Variants in PPP1R1C observed in about 807,000 individuals in gnomAD.
The protein encoded by PPP1R1C is protein phosphatase 1 regulatory inhibitor subunit 1C.
Under a neutral mutation model 17.4 loss-of-function variants are expected in PPP1R1C, and 15 were observed. The observed-to-expected ratio is 0.86, with a 90% CI of 0.58 to 1.33. The LOEUF (loss-of-function observed/expected upper bound fraction) is 1.33. Ranked by LOEUF, PPP1R1C falls within the 40% of genes most tolerant of loss-of-function variation. The probability of loss-of-function intolerance (pLI) is 0.00; values close to 1 mark genes in which losing one functional copy is unlikely to be tolerated. For synonymous variants in PPP1R1C, 35 were observed against 43.1 expected (o/e 0.81, Z 0.73); for missense variants, 143 against 130.0 (o/e 1.10, Z -0.48).
chr2:182,044,016 T>C (rs1030249417), intron 2 of PPP1R1C, among the ~76,000 whole-genome samples: 1 of 152,212 alleles, frequency 6.6e-6, no homozygotes, highest in African/African-American at 2.4e-5. Context: ...TCACTTTTCC[T>C]GTCACCTGTT....
intron 2 of PPP1R1C, among the ~76,000 whole-genome samples, chr2:182,019,774 G>A (rs1574382224): frequency 6.6e-6 from 1 of 152,150 alleles, no homozygotes; most frequent in African/African-American, 2.4e-5. Flanking sequence ...AAGACATCCA[G>A]TTTCATAAGA....
In PPP1R1C at chr2:181,962,527, C is replaced by G; in HGVS notation, n.111+7893C>G. ...GGACAGGACTCAGGCTTTGCCGACC[C>G]GTCATAGCAGTTTTCTAAGGAACCT... On this transcript the variant is annotated intron_variant and non_coding_transcript_variant, in intron 1 of 5. Coordinates refer to the PPP1R1C transcript ENST00000464264. The surrounding 1 kb of genome is among the most constrained non-coding windows in gnomAD (Gnocchi z 6.0). 4.9e-6 allele frequency: 3 copies of G among 612,016 alleles called. No individual in the cohort carries two copies. The highest frequency in any genetic ancestry group is 9.0e-6 in the Non-Finnish European group (3 of 334,846). The allele number at this position is 612,016 out of a possible 1,614,324, so 37.9% of individuals were successfully genotyped here. A position where few individuals can be genotyped will look rare whatever the true frequency, so the allele number is the denominator to read the frequency against.
intron 5 of PPP1R1C, among the ~76,000 whole-genome samples, chr2:182,123,162 G>T (rs1369012807): frequency 1.3e-5 from 2 of 152,162 alleles, no homozygotes; most frequent in Non-Finnish European, 2.9e-5. Flanking sequence ...CTTCATCCAT[G>T]TGCCTGCAAA....
At chr2:182,004,304 C>G (rs1293236256) in intron 2 of PPP1R1C, among the ~76,000 whole-genome samples, 1 of 152,140 alleles carries the variant, frequency 6.6e-6, no homozygotes, top group Non-Finnish European at 1.5e-5. Context: ...CACAGATTTT[C>G]AGTATAGCAC....
At chr2:181,987,014 T>C (rs868089743) in intron 1 of PPP1R1C, among the ~76,000 whole-genome samples, 5 of 152,216 alleles carry the variant, frequency 3.3e-5, no homozygotes, top group Non-Finnish European at 5.9e-5. Flanking sequence ...TCATAGTGTT[T>C]CAGGATGTTT....
chr2:181,986,313 A>G (rs1685296897), intron 1 of PPP1R1C, 122 bp downstream of exon 1: 1 of 767,728 alleles, frequency 1.3e-6, no homozygotes. Flanking sequence ...AAGATAATGT[A>G]AACAAGAAAT....
intron 4 of PPP1R1C, among the ~76,000 whole-genome samples, chr2:182,077,549 C>G (rs58365480): frequency 0.25 from 37,426 of 152,040 alleles, 5,923 homozygotes; most frequent in Non-Finnish European, 0.33. Context: ...CTCTTCTGAT[C>G]TCTGAGATAA....
intron 4 of PPP1R1C, among the ~76,000 whole-genome samples, chr2:182,112,874 AAAAAT>A (rs1169534508): frequency 2.6e-5 from 4 of 152,216 alleles, no homozygotes; most frequent in African/African-American, 7.2e-5. Context: ...TGTAGTTGAA[AAAAAT>A]AAAATAAATC....
chr2:182,076,554 A>C (rs758520002), intron 4 of PPP1R1C, among the ~76,000 whole-genome samples: 12 of 151,236 alleles, frequency 7.9e-5, no homozygotes, highest in Admixed American at 2.6e-4. Flanking sequence ...GATTTCATAC[A>C]CTGCACTCAT....
chr2:182,099,088 A>G (rs189060682), intron 4 of PPP1R1C, among the ~76,000 whole-genome samples: 2 of 152,298 alleles, frequency 1.3e-5, no homozygotes, highest in East Asian at 1.9e-4. Context: ...GAGAAATTAC[A>G]CCATGGGGTG....
chr2:181,975,196 CTTTTTTTTTT>C (rs1214359542), intron 1 of PPP1R1C: 1 of 119,852 alleles, frequency 8.3e-6, no homozygotes, highest in Non-Finnish European at 1.8e-5. Flanking sequence ...TATTTGTTGC[CTTTTTTTTTT>C]TTTTTTTTTT....
chr2:182,117,191 A>G lies in PPP1R1C; in HGVS notation c.242-16A>G, dbSNP rs1303440859. 6.7e-7 allele frequency: 1 copy of G among 1,501,614 alleles called. No individual in the cohort carries two copies. The highest frequency in any genetic ancestry group is 1.7e-4 in the Middle Eastern group (1 of 5,918). 93.0% of individuals were successfully genotyped at this position (1,501,614 alleles called of 1,614,324 possible). ...ATGAAAATCATTTAAATTTTGCATAATTTTTATAATTTCAGGGGTTAAGCA... is the reference window on the plus strand; with the variant it reads ...ATGAAAATCATTTAAATTTTGCATAGTTTTTATAATTTCAGGGGTTAAGCA... On this transcript the variant is annotated splice_polypyrimidine_tract_variant and intron_variant, in intron 4 of 4. Transcript: ENST00000682840.
At chr2:182,005,780 G>T (rs1464448486) in intron 2 of PPP1R1C, among the ~76,000 whole-genome samples, 1 of 152,080 alleles carries the variant, frequency 6.6e-6, no homozygotes, top group East Asian at 1.9e-4. Context: ...TAACAGAAGA[G>T]GTTAACGTTG....
intron 4 of PPP1R1C, among the ~76,000 whole-genome samples, chr2:182,082,189 C>A (rs1032785536): frequency 6.6e-6 from 1 of 152,082 alleles, no homozygotes; most frequent in African/African-American, 2.4e-5. Context: ...CTCACTTCAC[C>A]CATGCAAAGA....
chr2:182,002,197 T>A (rs1196531550), intron 2 of PPP1R1C, among the ~76,000 whole-genome samples: 1 of 152,036 alleles, frequency 6.6e-6, no homozygotes, highest in Non-Finnish European at 1.5e-5. Context: ...TCAAGGTATT[T>A]TTTTTTCTTT....
At chr2:182,042,318 A>G (rs1687209881) in intron 2 of PPP1R1C, among the ~76,000 whole-genome samples, 1 of 152,244 alleles carries the variant, frequency 6.6e-6, no homozygotes, top group Non-Finnish European at 1.5e-5. Context: ...TCTGGAATGC[A>G]GAGACTAGAA....
At chr2:182,043,495 T>C (rs1019789776) in intron 2 of PPP1R1C, among the ~76,000 whole-genome samples, 1 of 151,212 alleles carries the variant, frequency 6.6e-6, no homozygotes, top group Non-Finnish European at 1.5e-5. Context: ...CTATAAAGTA[T>C]CTATTTTTTT....
chr2:182,120,283 T>C (rs181889216), downstream of PPP1R1C, among the ~76,000 whole-genome samples: 18 of 152,312 alleles, frequency 1.2e-4, no homozygotes, highest in East Asian at 2.5e-3. Flanking sequence ...TTGGCACCAG[T>C]ACCATGCTGT....
chr2:182,105,852 C>T (rs1689231341), intron 4 of PPP1R1C, among the ~76,000 whole-genome samples: 1 of 152,104 alleles, frequency 6.6e-6, no homozygotes, highest in Non-Finnish European at 1.5e-5. Flanking sequence ...TATTAGTTTG[C>T]TAGGGTTGCC....
Sources: allele counts gnomAD v4.1 joint callset (sites outside exome capture counted in the v4.1 genomes callset), GRCh38; gene constraint gnomAD v4.1.1; non-coding constraint Gnocchi (gnomAD v3.1); transcripts MANE v1.5; gene names NCBI Gene and HGNC (gene_info 2026-07-23, HGNC 2026-07-21).